Variants in APLF observed in about 807,000 individuals in gnomAD.
The protein encoded by APLF is aprataxin and PNKP like factor.
Under a neutral mutation model 55.6 loss-of-function variants are expected in APLF, and 61 were observed. That is an observed-to-expected ratio of 1.10 (90% CI 0.89 to 1.36). APLF has a LOEUF of 1.36. Among genes scored for constraint, APLF ranks in the 40% most tolerant of loss-of-function variants. The pLI is 0.00. For synonymous variants in APLF, 207 were observed against 214.8 expected (o/e 0.96, Z 0.32); for missense variants, 611 against 602.5 (o/e 1.01, Z -0.15).
chr2:68,548,509 A>C (rs1670768829), intron 8 of APLF, among the ~76,000 whole-genome samples: 1 of 152,116 alleles, frequency 6.6e-6, no homozygotes, highest in Non-Finnish European at 1.5e-5. Context: ...CATTAGACAC[A>C]CATGCACACA....
chr2:68,467,731 C>G lies in APLF; in HGVS notation c.-1C>G. 8.1e-7 allele frequency: 1 copy of G among 1,234,920 alleles called. No individual in the cohort carries two copies. The highest frequency in any genetic ancestry group is 1.0e-6 in the Non-Finnish European group (1 of 987,954). The allele number at this position is 1,234,920 out of a possible 1,614,324, so 76.5% of individuals were successfully genotyped here. A position where few individuals can be genotyped will look rare whatever the true frequency, so the allele number is the denominator to read the frequency against. On this transcript the variant is annotated 5_prime_UTR_variant, in exon 1 of 10. Transcript: ENST00000303795. Reference sequence around the variant, plus strand: ...GCGAAGGGGCCTAATCCTTGCCCGCCATGTCCGGGGGCTTCGAGCTGCAGC... The same window carrying G: ...GCGAAGGGGCCTAATCCTTGCCCGCGATGTCCGGGGGCTTCGAGCTGCAGC...
chr2:68,516,986 A>AAT (rs1442857822), intron 5 of APLF, among the ~76,000 whole-genome samples: 112 of 125,158 alleles, frequency 8.9e-4, no homozygotes, highest in African/African-American at 3.2e-3. Context: ...ATATAATTAT[A>AAT]TATAATAATA....
intron 6 of APLF, among the ~76,000 whole-genome samples, chr2:68,537,470 C>T (rs985090450): frequency 6.6e-5 from 10 of 151,560 alleles, no homozygotes; most frequent in African/African-American, 1.9e-4. Context: ...CAGGTTCAAG[C>T]GATTCTCCTG....
chr2:68,515,269 A>AC (rs1403055445), intron 5 of APLF, among the ~76,000 whole-genome samples: 11 of 147,662 alleles, frequency 7.4e-5, no homozygotes, highest in African/African-American at 2.8e-4. Context: ...AGTTCTTCCC[A>AC]CCCCCACAGT....
chr2:68,515,467 C>G, intron 5 of APLF: 1 of 581,694 alleles, frequency 1.7e-6, no homozygotes, highest in Non-Finnish European at 2.2e-6. Flanking sequence ...GAGCTGGTCC[C>G]TGCAAACAAC....
rs1671701629 is a variant in APLF at position 68,579,161 on chromosome 2, C to T, written c.*1139C>T. The T allele has an allele frequency of 1.3e-6, 1 of 789,392 alleles. No homozygotes were observed. Among genetic ancestry groups the T allele is most frequent in the Non-Finnish European group, 1.5e-6 (1 of 651,662 alleles). The allele number at this position is 789,392 out of a possible 1,614,324, so 48.9% of individuals were successfully genotyped here. A position where few individuals can be genotyped will look rare whatever the true frequency, so the allele number is the denominator to read the frequency against. On this transcript the variant is annotated 3_prime_UTR_variant, in exon 10 of 10. Transcript: ENST00000303795. ...AAATTTATATCTTAAAAGATCAAAACATATTTATAATAATATTTTCTCATT... is the reference window on the plus strand; with the variant it reads ...AAATTTATATCTTAAAAGATCAAAATATATTTATAATAATATTTTCTCATT...
Position 68,527,958 on chromosome 2 carries a change from G to A in APLF, c.804+1716G>A, listed in dbSNP as rs372412550. Among the ~76,000 whole-genome samples the A allele has an allele frequency of 3.5e-4, 53 of 149,674 alleles. 1 individual carries two copies. Among genetic ancestry groups the A allele is most frequent in the African/African-American group, 1.1e-3 (43 of 40,432 alleles). On this transcript the variant is annotated intron_variant, in intron 6 of 9. Coordinates refer to ENST00000303795, the MANE Select transcript of APLF (RefSeq NM_173545.3). ...GACGGGGCAGGGCCCGGGCAGAGGCGCCCTTCACTTCTCAGACTGTGAGGC... is the reference window on the plus strand; with the variant it reads ...GACGGGGCAGGGCCCGGGCAGAGGCACCCTTCACTTCTCAGACTGTGAGGC...
intron 9 of APLF, among the ~76,000 whole-genome samples, chr2:68,568,078 A>G (rs1300091490): frequency 6.6e-6 from 1 of 152,102 alleles, no homozygotes; most frequent in Non-Finnish European, 1.5e-5. Flanking sequence ...TAGAGCTTTG[A>G]GGAAGAGAGG....
chr2:68,502,692 C>CT (rs756457146), intron 2 of APLF, 39 bp from the exon 3 acceptor site: 14 of 1,199,594 alleles, frequency 1.2e-5, no homozygotes, highest in Non-Finnish European at 1.5e-5. Context: ...GTATTATATT[C>CT]TTTTTTAAAT....
chr2:68,500,684 A>C (rs1676692767), intron 2 of APLF, among the ~76,000 whole-genome samples: 1 of 152,202 alleles, frequency 6.6e-6, no homozygotes, highest in Non-Finnish European at 1.5e-5. Context: ...CAGAGTTCAG[A>C]CCAAAGCTAT....
At chr2:68,512,231 C>A (rs776672072) in intron 3 of APLF, among the ~76,000 whole-genome samples, 1 of 151,658 alleles carries the variant, frequency 6.6e-6, no homozygotes, top group South Asian at 2.1e-4. Context: ...CAATCCCTGG[C>A]AACCATTAAT....
chr2:68,513,347 G>T (rs1046122143), intron 4 of APLF, 120 bp downstream of exon 4: 5 of 1,318,962 alleles, frequency 3.8e-6, no homozygotes, highest in African/African-American at 3.0e-5. Context: ...TACTTTTGCT[G>T]ATTTTAAGTT....
At chr2:68,513,024 G>A in intron 3 of APLF, 56 bp from the exon 4 acceptor site, 1 of 1,491,352 alleles carries the variant, frequency 6.7e-7, no homozygotes, top group Non-Finnish European at 9.1e-7. Flanking sequence ...TAGTTCTAAG[G>A]CAGCAGAAGT....
At chr2:68,501,257 T>C (rs1226028507) in intron 2 of APLF, among the ~76,000 whole-genome samples, 1 of 152,214 alleles carries the variant, frequency 6.6e-6, no homozygotes, top group Admixed American at 6.5e-5. Flanking sequence ...ATTATATTCA[T>C]TCTGTCTTCA....
intron 2 of APLF, among the ~76,000 whole-genome samples, chr2:68,497,643 G>T (rs113080302): frequency 0.026 from 3,892 of 151,722 alleles, 67 homozygotes; most frequent in South Asian, 0.043. Flanking sequence ...CAGTGTGGGA[G>T]GTGCCCACTC....
intron 1 of APLF, among the ~76,000 whole-genome samples, chr2:68,481,218 A>C (rs1675940958): frequency 6.6e-6 from 1 of 152,130 alleles, no homozygotes; most frequent in African/African-American, 2.4e-5. Context: ...GTTTGGTAGA[A>C]TTCAGCAGTG....
intron 5 of APLF, among the ~76,000 whole-genome samples, chr2:68,521,695 T>G (rs550383194): frequency 6.6e-6 from 1 of 151,950 alleles, no homozygotes; most frequent in African/African-American, 2.4e-5. Flanking sequence ...ACTGGTATCA[T>G]GCTATTCTAT....
chr2:68,490,184 G>T lies in APLF; in HGVS notation c.97-6G>T. ...TTCTTAATCTTTTAATTTTTTTACT[G>T]TATAGATAACAGACAAGAGAGTATC... On this transcript the variant is annotated splice_region_variant and splice_polypyrimidine_tract_variant and intron_variant, in intron 1 of 9. Coordinates refer to ENST00000303795, the MANE Select transcript of APLF (RefSeq NM_173545.3). The T allele has an allele frequency of 6.3e-7, 1 of 1,591,780 alleles. No homozygotes were observed.
chr2:68,469,982 T>C (rs887288083), intron 1 of APLF, among the ~76,000 whole-genome samples: 1 of 152,238 alleles, frequency 6.6e-6, no homozygotes, highest in Non-Finnish European at 1.5e-5. Context: ...TGAGAATGGT[T>C]TTGTATTTTT....
Sources: gnomAD v4.1 joint callset for allele counts (sites outside exome capture counted in the v4.1 genomes callset) on GRCh38, gnomAD v4.1.1 for gene constraint, MANE v1.5 for transcripts, NCBI Gene and HGNC (gene_info 2026-07-23, HGNC 2026-07-21) for gene names.